LRRC4C: variants seen among roughly 807,000 people sequenced by gnomAD.
LRRC4C encodes the protein leucine-rich repeat-containing protein 4C.
A neutral mutation model predicts 33.6 loss-of-function variants in LRRC4C; 5 were observed. The ratio of observed to expected loss-of-function variants is 0.15; its 90% CI spans 0.08 to 0.31. The LOEUF is 0.31. Ranked by LOEUF, LRRC4C falls within the 10% of genes least tolerant of loss-of-function variation. LRRC4C has a pLI of 1.00. For synonymous variants in LRRC4C, 329 were observed against 302.0 expected, an observed-to-expected ratio of 1.09 and a Z score of -0.93; for missense variants, 560 against 796.7, an observed-to-expected ratio of 0.70 and a Z score of 3.58.
chr11:40,908,832 C>A (rs1956540496), intron 2 of LRRC4C, among the ~76,000 whole-genome samples: 3 of 152,136 alleles, frequency 2.0e-5, no homozygotes, highest in African/African-American at 7.2e-5. Context: ...GTAAACTCTG[C>A]AATCTGACAA....
chr11:40,656,976 G>A (rs779803918), intron 2 of LRRC4C, among the ~76,000 whole-genome samples: 4 of 152,052 alleles, frequency 2.6e-5, no homozygotes, highest in Non-Finnish European at 5.9e-5. Flanking sequence ...TCCTGCTTTT[G>A]TTCATTTTAA....
chr11:40,794,321 A>T (rs1363613456), intron 2 of LRRC4C, among the ~76,000 whole-genome samples: 1 of 151,586 alleles, frequency 6.6e-6, no homozygotes, highest in Non-Finnish European at 1.5e-5. Context: ...AATAAAGAAA[A>T]GAATATATTT....
Position 41,279,489 on chromosome 11 carries a change from G to A in LRRC4C, c.-496+179942C>T, listed in dbSNP as rs141197457. Among the ~76,000 whole-genome samples, 7 of 150,920 alleles carry A rather than the reference G, an allele frequency of 4.6e-5. No individual in the cohort carries two copies. The East Asian group carries it at 1.4e-3, about 30-fold the overall frequency. ...GCAGCTTCTTTGCCTCCAACTTTTGGTGCAATTCCAGCTCCATAGTTACCC... is the reference window on the plus strand; with the variant it reads ...GCAGCTTCTTTGCCTCCAACTTTTGATGCAATTCCAGCTCCATAGTTACCC... On this transcript the variant is annotated intron_variant, in intron 1 of 6. Coordinates refer to ENST00000528697, the MANE Select transcript of LRRC4C (RefSeq NM_001258419.2).
chr11:40,123,835 A>G (rs1455575887), intron 6 of LRRC4C, among the ~76,000 whole-genome samples: 1 of 152,156 alleles, frequency 6.6e-6, no homozygotes, highest in Non-Finnish European at 1.5e-5. Context: ...CTAACTTCAA[A>G]TTATACTACA....
intron 3 of LRRC4C, among the ~76,000 whole-genome samples, chr11:40,459,946 A>G (rs945247677): frequency 6.6e-6 from 1 of 152,190 alleles, no homozygotes; most frequent in African/African-American, 2.4e-5. Context: ...TGAGGATTGG[A>G]TATAGACAAA....
At chr11:40,833,426 T>C (rs1378927233) in intron 2 of LRRC4C, among the ~76,000 whole-genome samples, 1 of 152,098 alleles carries the variant, frequency 6.6e-6, no homozygotes, top group Non-Finnish European at 1.5e-5. Context: ...AGTAAATATA[T>C]CCAATATATT....
At position 40,769,579 on chromosome 11, in the gene LRRC4C, A is replaced by G. The variant is rs534914955; in HGVS notation, c.-406-121301T>C. Among the ~76,000 whole-genome samples the G allele has an allele frequency of 2.0e-5, 3 of 152,348 alleles. No individual in the cohort carries two copies. In the South Asian group the frequency reaches 6.2e-4, roughly 32 times the overall value. ...GAATCACATCACCTTATCAAAAATT[A>G]TATTACAGAGCTATTGTAACCAAAG... On this transcript the variant is annotated intron_variant, in intron 2 of 6. Coordinates refer to ENST00000528697, the MANE Select transcript of LRRC4C (RefSeq NM_001258419.2).
intron 4 of LRRC4C, among the ~76,000 whole-genome samples, chr11:40,247,521 A>T (rs1866441079): frequency 6.6e-6 from 1 of 152,218 alleles, no homozygotes; most frequent in Admixed American, 6.5e-5. Flanking sequence ...TTTCAAAAAG[A>T]AGAAAATGGA....
chr11:40,827,661 A>G (rs1952222541), intron 2 of LRRC4C, among the ~76,000 whole-genome samples: 1 of 151,858 alleles, frequency 6.6e-6, no homozygotes, highest in Non-Finnish European at 1.5e-5. Flanking sequence ...TTAAACTGAA[A>G]AAATAAACTA....
At chr11:40,597,892 T>G (rs1444029036) in intron 3 of LRRC4C, among the ~76,000 whole-genome samples, 3 of 152,214 alleles carry the variant, frequency 2.0e-5, no homozygotes, top group African/African-American at 7.2e-5. Context: ...CATAATATTT[T>G]TGGCCCTGAA....
chr11:40,199,348 G>A (rs1241280719), intron 5 of LRRC4C, among the ~76,000 whole-genome samples: 1 of 152,194 alleles, frequency 6.6e-6, no homozygotes, highest in Non-Finnish European at 1.5e-5. Flanking sequence ...TGGGATTACA[G>A]TAGTGAACCA....
chr11:40,467,194 C>T (rs959251668), intron 3 of LRRC4C, among the ~76,000 whole-genome samples: 7 of 152,066 alleles, frequency 4.6e-5, no homozygotes, highest in Non-Finnish European at 7.4e-5. Context: ...AAGTGAGATA[C>T]TTGTATAAGA....
chr11:41,364,254 C>G (rs1045677543), intron 1 of LRRC4C, among the ~76,000 whole-genome samples: 2 of 152,072 alleles, frequency 1.3e-5, no homozygotes, highest in South Asian at 2.1e-4. Context: ...AATCTTAAGG[C>G]AAAATTTTTT....
chr11:40,139,627 C>T (rs1474341289), intron 6 of LRRC4C, among the ~76,000 whole-genome samples: 1 of 152,118 alleles, frequency 6.6e-6, no homozygotes, highest in African/African-American at 2.4e-5. Flanking sequence ...CCCACATGCC[C>T]AGTGAACAAA....
intron 1 of LRRC4C, among the ~76,000 whole-genome samples, chr11:41,354,259 C>A (rs1952082917): frequency 6.6e-6 from 1 of 151,998 alleles, no homozygotes; most frequent in Non-Finnish European, 1.5e-5. Flanking sequence ...ATCAAGAACA[C>A]AATCACATTC....
chr11:40,502,099 C>T (rs1954803831), intron 3 of LRRC4C, among the ~76,000 whole-genome samples: 1 of 152,150 alleles, frequency 6.6e-6, no homozygotes, highest in Non-Finnish European at 1.5e-5. Flanking sequence ...ACAAGAGTCA[C>T]CTTTGCTCTA....
intron 1 of LRRC4C, among the ~76,000 whole-genome samples, chr11:41,181,492 T>C (rs1172999483): frequency 1.3e-5 from 2 of 152,174 alleles, no homozygotes; most frequent in African/African-American, 4.8e-5. Flanking sequence ...TGCTGTTATA[T>C]AGGATCCCCA....
At chr11:40,357,447 C>A (rs536208719) in intron 3 of LRRC4C, among the ~76,000 whole-genome samples, 1 of 152,204 alleles carries the variant, frequency 6.6e-6, no homozygotes, top group Non-Finnish European at 1.5e-5. Flanking sequence ...TTCATTTAGC[C>A]TTTCACTTAA....
chr11:40,319,848 G>A (rs1945753016), intron 3 of LRRC4C, 127 bp from the exon 4 acceptor site: 1 of 152,090 alleles, frequency 6.6e-6, no homozygotes, highest in South Asian at 2.1e-4. Context: ...ATCACAGAAT[G>A]TCTTTCATAC....
Sources: allele counts gnomAD v4.1 joint callset (sites outside exome capture counted in the v4.1 genomes callset), GRCh38; gene constraint gnomAD v4.1.1; transcripts MANE v1.5; gene names NCBI Gene and HGNC (gene_info 2026-07-23, HGNC 2026-07-21).